The following WDR7 variants were observed in gnomAD, a reference collection of about 807,000 sequenced individuals.
WDR7 encodes the protein WD repeat domain 7.
Under a neutral mutation model 169.4 loss-of-function variants are expected in WDR7, and 46 were observed. The observed-to-expected ratio is 0.27, with a 90% CI of 0.21 to 0.35. The LOEUF (loss-of-function observed/expected upper bound fraction) is 0.35. Among genes scored for constraint, WDR7 ranks in the 10% least tolerant of loss-of-function variants. WDR7 has a pLI of 1.00. For missense variants in WDR7, 1,534 were observed against 1,859.3 expected, an observed-to-expected ratio of 0.83 and a Z score of 3.22; for synonymous variants, 612 against 666.8, an observed-to-expected ratio of 0.92 and a Z score of 1.27.
chr18:56,655,853 G>T (rs115012629), intron 1 of WDR7, among the ~76,000 whole-genome samples: 2,267 of 152,232 alleles, frequency 0.015, 52 homozygotes, highest in African/African-American at 0.051. Context: ...GAATGAGACA[G>T]TTCTTGAGAT....
intron 16 of WDR7, among the ~76,000 whole-genome samples, chr18:56,772,175 TCA>T (rs1455431724): frequency 6.7e-6 from 1 of 148,690 alleles, no homozygotes; most frequent in African/African-American, 2.5e-5. Flanking sequence ...TTTCAGACAC[TCA>T]TAGTCTTAAA....
chr18:56,974,110 A>T (rs1423200077), intron 26 of WDR7, among the ~76,000 whole-genome samples: 1 of 152,206 alleles, frequency 6.6e-6, no homozygotes, highest in East Asian at 1.9e-4. Flanking sequence ...AAAGATACTT[A>T]TAAAGCATTC....
At chr18:56,758,648 A>G (rs1472763979) in intron 15 of WDR7, among the ~76,000 whole-genome samples, 2 of 152,226 alleles carry the variant, frequency 1.3e-5, no homozygotes, top group African/African-American at 4.8e-5. Context: ...CACAAATTGC[A>G]CATGTCAGAT....
At chr18:56,721,305 A>G (rs1367122214) in intron 13 of WDR7, 1 of 152,168 alleles carries the variant, frequency 6.6e-6, no homozygotes, top group Non-Finnish European at 1.5e-5. Flanking sequence ...AGCATGTTTA[A>G]ACATTTTTTT....
At chr18:56,972,327 G>A (rs1017038767) in intron 26 of WDR7, among the ~76,000 whole-genome samples, 2 of 152,154 alleles carry the variant, frequency 1.3e-5, no homozygotes, top group Admixed American at 1.3e-4. Context: ...GGGATCTTGT[G>A]GACAGTAAGA....
At chr18:56,829,011 C>T (rs1000676970) in intron 20 of WDR7, among the ~76,000 whole-genome samples, 1 of 151,576 alleles carries the variant, frequency 6.6e-6, no homozygotes, top group Non-Finnish European at 1.5e-5. Flanking sequence ...AGGCAACATC[C>T]CTTAGGAACA....
intron 25 of WDR7, among the ~76,000 whole-genome samples, chr18:56,952,725 T>C (rs2047200185): frequency 6.6e-6 from 1 of 152,228 alleles, no homozygotes; most frequent in Non-Finnish European, 1.5e-5. Flanking sequence ...TTACCTCTCT[T>C]ACATTCAGAC....
intron 26 of WDR7, among the ~76,000 whole-genome samples, chr18:57,017,371 C>G (rs776136754): frequency 5.9e-5 from 9 of 151,436 alleles, no homozygotes; most frequent in Non-Finnish European, 1.2e-4. Flanking sequence ...CTTTAGGTTG[C>G]TTTAAAAAGC....
At chr18:56,765,732 G>T (rs536515003) in intron 16 of WDR7, among the ~76,000 whole-genome samples, 12 of 130,736 alleles carry the variant, frequency 9.2e-5, no homozygotes, top group Non-Finnish European at 2.0e-4. Context: ...CTTCTATCTG[G>T]TAAAATTCTT....
In WDR7 at chr18:57,027,186, G is replaced by A. The variant is rs778586407; in HGVS notation, c.4452G>A (p.Lys1484=). The A allele has an allele frequency of 6.2e-7, 1 of 1,613,806 alleles. No homozygotes were observed. The highest frequency in any genetic ancestry group is 8.5e-7 in the Non-Finnish European group (1 of 1,179,896). The stretch of plus-strand genomic sequence containing the variant: ...TCATCCTCATGGCCCATGACGGGAA[G>A]GAGCACCGCTTCATGGTCTAATGCT... ...RNVILMAHDG[K]EHRFMV is the part of the protein sequence containing the mutation. Residue 1484 remains lysine (K), a synonymous_variant, in exon 28 of 28, where the codon AAG becomes AAA. Coordinates refer to ENST00000254442, the MANE Select transcript of WDR7 (RefSeq NM_015285.3).
intron 14 of WDR7, among the ~76,000 whole-genome samples, chr18:56,748,053 G>C (rs72931212): frequency 6.6e-6 from 1 of 152,072 alleles, no homozygotes; most frequent in Non-Finnish European, 1.5e-5. Flanking sequence ...GAGCTCTTTG[G>C]ACTTTTGCAT....
chr18:56,663,099 A>G (rs1251455309), intron 1 of WDR7, among the ~76,000 whole-genome samples: 3 of 152,100 alleles, frequency 2.0e-5, no homozygotes, highest in African/African-American at 7.2e-5. Context: ...AGAGGGAGAG[A>G]GCTTTTGTGT....
At chr18:56,921,087 G>C (rs1417839086) in intron 21 of WDR7, among the ~76,000 whole-genome samples, 1 of 152,070 alleles carries the variant, frequency 6.6e-6, no homozygotes, top group Non-Finnish European at 1.5e-5. Context: ...TATTCCTGCA[G>C]AACATCATTG....
chr18:56,776,998 C>T (rs1253665053), intron 17 of WDR7, 118 bp downstream of exon 17: 11 of 966,188 alleles, frequency 1.1e-5, no homozygotes, highest in Non-Finnish European at 1.8e-5. Context: ...TCTAAAGTTC[C>T]CATTTTATGA....
intron 16 of WDR7, among the ~76,000 whole-genome samples, chr18:56,770,251 A>T (rs1249333856): frequency 1.3e-5 from 2 of 152,232 alleles, no homozygotes; most frequent in East Asian, 3.8e-4. Context: ...GCTTTTCTAG[A>T]CAATGAGTGC....
chr18:56,849,425 A>AT (rs1222947639), intron 20 of WDR7, among the ~76,000 whole-genome samples: 1 of 152,088 alleles, frequency 6.6e-6, no homozygotes, highest in Non-Finnish European at 1.5e-5. Flanking sequence ...AAGGGATTTA[A>AT]TTTTTTGTCC....
downstream of WDR7, chr18:57,032,806 TATATATATATA>T (rs2048448784): frequency 4.8e-4 from 7 of 14,538 alleles, no homozygotes; most frequent in African/African-American, 1.6e-3. Flanking sequence ...TTATTTTATA[TATATATATATA>T]TATATATATA....
chr18:56,894,416 G>A (rs996217209), intron 21 of WDR7, among the ~76,000 whole-genome samples: 4 of 151,238 alleles, frequency 2.6e-5, no homozygotes, highest in African/African-American at 9.7e-5. Context: ...AGGCATACTA[G>A]TCACTCCTTC....
intron 21 of WDR7, among the ~76,000 whole-genome samples, chr18:56,880,641 A>G (rs2046093834): frequency 6.6e-6 from 1 of 152,224 alleles, no homozygotes; most frequent in Admixed American, 6.5e-5. Flanking sequence ...ATAAATTTGT[A>G]TATGTGATAA....
Sources: allele counts gnomAD v4.1 joint callset (sites outside exome capture counted in the v4.1 genomes callset), GRCh38; gene constraint gnomAD v4.1.1; transcripts MANE v1.5; gene names NCBI Gene and HGNC (gene_info 2026-07-23, HGNC 2026-07-21).